SYNDIG1L: variants seen among roughly 807,000 people sequenced by gnomAD.
SYNDIG1L encodes the protein synapse differentiation inducing 1 like, also known as synapse differentiation-inducing gene protein 1-like.
Under a neutral mutation model 20.1 loss-of-function variants are expected in SYNDIG1L, and 13 were observed. That is an observed-to-expected ratio of 0.65 (90% CI 0.42 to 1.03). The LOEUF (loss-of-function observed/expected upper bound fraction) is 1.03. Among genes scored for constraint, SYNDIG1L ranks in the 50% least tolerant of loss-of-function variants. SYNDIG1L has a pLI of 0.00. For synonymous variants in SYNDIG1L, 128 were observed against 129.3 expected, an observed-to-expected ratio of 0.99 and a Z score of 0.07; for missense variants, 294 against 305.1, an observed-to-expected ratio of 0.96 and a Z score of 0.27.
the SYNDIG1L span, among the ~76,000 whole-genome samples, chr14:74,432,180 T>TGTGTGTGTGTGTGTGTGTGA: frequency 8.1e-6 from 1 of 124,072 alleles, no homozygotes; most frequent in Non-Finnish European, 1.6e-5. Flanking sequence ...TGTGTGTGTG[T>TGTGTGTGTGTGTGTGTGTGA]GAGAGAGAGA....
At chr14:74,464,755 G>A in the SYNDIG1L span, among the ~76,000 whole-genome samples, 1 of 152,114 alleles carries the variant, frequency 6.6e-6, no homozygotes, top group Admixed American at 6.5e-5. Context: ...TGGGAGCCAT[G>A]GTCCCACAGA....
the SYNDIG1L span, among the ~76,000 whole-genome samples, chr14:74,454,966 A>C: frequency 1.0e-2 from 1,517 of 152,356 alleles, 37 homozygotes; most frequent in African/African-American, 0.035. Context: ...CTGTGACTGT[A>C]AGTCTACAGC....
At position 74,409,418 on chromosome 14, in the gene SYNDIG1L, G is replaced by A; in HGVS notation, c.327C>T (p.Gly109=). The change falls in exon 2 of 4, where the codon GGC becomes GGT. Residue 109 remains glycine (G), a synonymous_variant. Transcript: ENST00000331628. ...EGPPEQPTGP[G]QAAENVTIQT... ...GGATGGTGACATTCTCTGCAGCTTGGCCAGGTCCTGTGGGCTGCTCTGGAG... is the reference window on the plus strand; with the variant it reads ...GGATGGTGACATTCTCTGCAGCTTGACCAGGTCCTGTGGGCTGCTCTGGAG... 2 of 1,613,640 alleles carry A rather than the reference G, an allele frequency of 1.2e-6. No individual in the cohort carries two copies. Among genetic ancestry groups the A allele is most frequent in the Non-Finnish European group, 1.7e-6 (2 of 1,179,892 alleles).
chr14:74,409,864 G>A, intron 1 of SYNDIG1L, 63 bp from the exon 2 acceptor site: 5 of 1,241,806 alleles, frequency 4.0e-6, no homozygotes, highest in Non-Finnish European at 5.2e-6. Flanking sequence ...ACCTAAAGTG[G>A]TGAAGAGCAT....
chr14:74,475,011 A>G, the SYNDIG1L span: 2 of 152,232 alleles, frequency 1.3e-5, no homozygotes, highest in Non-Finnish European at 2.9e-5. Context: ...TAAAAATCAT[A>G]CATGAAAAAG....
At chr14:74,460,938 C>T in the SYNDIG1L span, among the ~76,000 whole-genome samples, 4 of 152,072 alleles carry the variant, frequency 2.6e-5, no homozygotes, top group Non-Finnish European at 4.4e-5. Flanking sequence ...GAGTGAGCAA[C>T]TGTGCCTGGC....
At chr14:74,456,996 G>A in the SYNDIG1L span, among the ~76,000 whole-genome samples, 1 of 152,158 alleles carries the variant, frequency 6.6e-6, no homozygotes, top group Non-Finnish European at 1.5e-5. Context: ...CGTATTTAAT[G>A]GGTTTTGGAA....
chr14:74,463,098 C>T, the SYNDIG1L span, among the ~76,000 whole-genome samples: 6 of 152,192 alleles, frequency 3.9e-5, no homozygotes, highest in Non-Finnish European at 7.3e-5. Flanking sequence ...TGCCTGCCTC[C>T]ACATTTTGCT....
chr14:74,433,156 G>A, the SYNDIG1L span, among the ~76,000 whole-genome samples: 24 of 152,154 alleles, frequency 1.6e-4, no homozygotes, highest in African/African-American at 4.8e-4. Flanking sequence ...AGGAGATGCT[G>A]TGGGGGGCTG....
At chr14:74,477,039 A>AACAC in the SYNDIG1L span, among the ~76,000 whole-genome samples, 1,343 of 96,648 alleles carry the variant, frequency 0.014, 33 homozygotes, top group East Asian at 0.018. Context: ...CCCCATTCCC[A>AACAC]ACACACACAC....
At chr14:74,416,921 T>G (rs1415478380) in intron 1 of SYNDIG1L, among the ~76,000 whole-genome samples, 4 of 152,196 alleles carry the variant, frequency 2.6e-5, no homozygotes, top group South Asian at 2.1e-4. Context: ...ATAGGAAAGT[T>G]GTAGGTGCTC....
the SYNDIG1L span, among the ~76,000 whole-genome samples, chr14:74,455,885 T>C: frequency 5.9e-5 from 9 of 152,232 alleles, no homozygotes; most frequent in African/African-American, 1.7e-4. Context: ...GGTGGCTGAA[T>C]GGTGTTCCTC....
the SYNDIG1L span, among the ~76,000 whole-genome samples, chr14:74,446,325 G>A: frequency 2.0e-5 from 3 of 152,036 alleles, no homozygotes; most frequent in South Asian, 6.2e-4. Context: ...AATAATTTAA[G>A]CCTACAGAAA....
chr14:74,473,213 C>T, the SYNDIG1L span, among the ~76,000 whole-genome samples: 1 of 151,894 alleles, frequency 6.6e-6, no homozygotes, highest in Admixed American at 6.6e-5. Flanking sequence ...TAGTGATACC[C>T]CGTCTCTACT....
At chr14:74,477,240 G>A in the SYNDIG1L span, among the ~76,000 whole-genome samples, 15 of 150,906 alleles carry the variant, frequency 9.9e-5, no homozygotes, top group South Asian at 3.0e-3. Context: ...CTTGTTTAAC[G>A]TGACTTTCAC....
chr14:74,428,854 G>C (rs1212893597), upstream of SYNDIG1L, among the ~76,000 whole-genome samples: 2 of 152,162 alleles, frequency 1.3e-5, no homozygotes, highest in Non-Finnish European at 2.9e-5. Flanking sequence ...ACTTCTGGGT[G>C]AAAACAGAGA....
At chr14:74,443,162 A>G in the SYNDIG1L span, among the ~76,000 whole-genome samples, 25 of 152,206 alleles carry the variant, frequency 1.6e-4, no homozygotes, top group African/African-American at 6.0e-4. Context: ...ACCTCCTAGA[A>G]ATACAACATT....
At chr14:74,408,064 A>C (rs2086099056) in intron 2 of SYNDIG1L, 75 bp from the exon 3 acceptor site, 1 of 1,495,214 alleles carries the variant, frequency 6.7e-7, no homozygotes, top group South Asian at 1.4e-5. Context: ...GGTTTTTTAA[A>C]AGGCAATGCC....
At chr14:74,469,469 T>C in the SYNDIG1L span, among the ~76,000 whole-genome samples, 1 of 151,686 alleles carries the variant, frequency 6.6e-6, no homozygotes, top group Non-Finnish European at 1.5e-5. Flanking sequence ...TGTATACATA[T>C]GTAACAAACC....
Sources: allele counts gnomAD v4.1 joint callset (sites outside exome capture counted in the v4.1 genomes callset), GRCh38; gene constraint gnomAD v4.1.1; transcripts MANE v1.5; gene names NCBI Gene and HGNC (gene_info 2026-07-23, HGNC 2026-07-21).